ALG6: variants seen among roughly 807,000 people sequenced by gnomAD.
ALG6 encodes ALG6 alpha-1,3-glucosyltransferase.
In ALG6, 46 loss-of-function variants were observed where a neutral mutation model predicts 66.6. The ratio of observed to expected loss-of-function variants is 0.69; its 90% CI spans 0.55 to 0.88. ALG6 has a LOEUF of 0.88. Ranked by LOEUF, ALG6 falls within the 40% of genes least tolerant of loss-of-function variation. The pLI is 0.00. For missense variants in ALG6, 505 were observed against 586.8 expected (o/e 0.86, Z 1.44); for synonymous variants, 185 against 203.7 (o/e 0.91, Z 0.78).
intron 7 of ALG6, among the ~76,000 whole-genome samples, chr1:63,408,453 C>A (rs971032860): frequency 1.3e-5 from 2 of 152,112 alleles, no homozygotes; most frequent in African/African-American, 4.8e-5. Flanking sequence ...GGTTGTTTCC[C>A]AGTTTGGGCC....
rs1557594885 is a variant in ALG6 at position 63,422,219 on chromosome 1, T to TTATATAGATATAAATATATATC, written c.1058+2785_1058+2786insGATATAAATATATATCTATATA. 2.7e-4 allele frequency among the ~76,000 whole-genome samples: 24 copies of TTATATAGATATAAATATATATC among 87,728 alleles called. 5 individuals carry two copies. In the East Asian group the frequency reaches 5.8e-3, roughly 21 times the overall value. The allele number at this position is 87,728 out of a possible 152,430, so 57.6% of individuals were successfully genotyped here. On this transcript the variant is annotated intron_variant, in intron 12 of 14. Coordinates refer to ENST00000263440, the MANE Select transcript of ALG6 (RefSeq NM_013339.4). ...TATCTATATGAATATAAATATATATTTATATAAATATAAATATATATATAA... is the reference window on the plus strand; with the variant it reads ...TATCTATATGAATATAAATATATATTTATATAGATATAAATATATATCTATATAAATATAAATATATATATAA...
Position 63,404,557 on chromosome 1 carries a change from G to A in ALG6, c.346+16G>A, listed in dbSNP as rs76013640. On this transcript the variant is annotated intron_variant, in intron 5 of 14. Coordinates refer to ENST00000263440, the MANE Select transcript of ALG6 (RefSeq NM_013339.4). ...CGTACAACAGGTAAAAGAGCAATGG[G>A]TAGTGAATATAAAATTTGATTTTTT... 9.3e-6 allele frequency: 15 copies of A among 1,607,858 alleles called. No homozygotes were observed. In the East Asian group the frequency reaches 2.5e-4, roughly 26 times the overall value.
At chr1:63,411,769 C>T (rs995736740) in intron 8 of ALG6, among the ~76,000 whole-genome samples, 157 bp from the exon 9 acceptor site, 2 of 152,090 alleles carry the variant, frequency 1.3e-5, no homozygotes, top group Non-Finnish European at 2.9e-5. Context: ...AATTTTTTAC[C>T]TCTGATTTGA....
chr1:63,407,598 TG>T (rs1644495134), intron 7 of ALG6, among the ~76,000 whole-genome samples: 1 of 152,120 alleles, frequency 6.6e-6, no homozygotes, highest in Non-Finnish European at 1.5e-5. Flanking sequence ...TGTATTTTTT[TG>T]ATGCCTAAAA....
rs1557587264 is a variant in ALG6, at chr1:63,400,213, ATATATATACGT to A, written c.168-2040_168-2030del. 2.4e-3 allele frequency among the ~76,000 whole-genome samples: 71 copies of A among 29,542 alleles called. 4 individuals carry two copies. The highest frequency in any genetic ancestry group is 0.011 in the African/African-American group (43 of 3,810). The allele number at this position is 29,542 out of a possible 152,430, so 19.4% of individuals were successfully genotyped here. A position where few individuals can be genotyped will look rare whatever the true frequency, so the allele number is the denominator to read the frequency against. On this transcript the variant is annotated intron_variant, in intron 3 of 14. Transcript: ENST00000263440. ...CTGTCTCAAAAAAAAAAAAATATATATATATATACGTATATATATATATATATATACGTATA... is the reference window on the plus strand; with the variant it reads ...CTGTCTCAAAAAAAAAAAAATATATAATATATATATATATATATACGTATA...
At chr1:63,422,479 A>G (rs897425720) in intron 12 of ALG6, among the ~76,000 whole-genome samples, 2 of 112,666 alleles carry the variant, frequency 1.8e-5, no homozygotes, top group Non-Finnish European at 3.4e-5. Flanking sequence ...ATATAAATAT[A>G]TATATATAAA....
Position 63,402,297 on chromosome 1 carries a change from G to A in ALG6, c.211G>A (p.Asp71Asn). 1 of 1,612,094 alleles carries A rather than the reference G, an allele frequency of 6.2e-7. No homozygotes were observed. The highest frequency in any genetic ancestry group is 1.1e-5 in the South Asian group (1 of 91,030). The change falls in exon 4 of 15, where the codon GAT becomes AAT. Residue 71 changes from aspartate to asparagine, a missense_variant. Physicochemically the swap from Asp to Asn is conservative, Grantham distance 23. Coordinates refer to ENST00000263440, the MANE Select transcript of ALG6 (RefSeq NM_013339.4). The part of the protein sequence containing the change: ...SDNNLQYWGL[D>N]YPPLTAYHSL... Reference sequence around the variant, plus strand: ...TAACAATTTACAGTATTGGGGATTGGATTACCCACCTCTTACAGCTTATCA... The same window carrying A: ...TAACAATTTACAGTATTGGGGATTGAATTACCCACCTCTTACAGCTTATCA...
At chr1:63,430,391 G>C (rs181729018) in intron 14 of ALG6, among the ~76,000 whole-genome samples, 1 of 152,168 alleles carries the variant, frequency 6.6e-6, no homozygotes, top group Non-Finnish European at 1.5e-5. Flanking sequence ...GTGCACATAT[G>C]TTTTCATTTC....
At chr1:63,436,059 G>A (rs1644677159) in intron 14 of ALG6, among the ~76,000 whole-genome samples, 1 of 152,084 alleles carries the variant, frequency 6.6e-6, no homozygotes, top group Non-Finnish European at 1.5e-5. Context: ...GTGCCTTCGT[G>A]TGCTTTACTC....
intron 2 of ALG6, among the ~76,000 whole-genome samples, chr1:63,375,410 ATTTTTTTTTTTTTT>A (rs766565038): frequency 4.7e-4 from 36 of 77,068 alleles, no homozygotes; most frequent in Admixed American, 4.4e-4. Context: ...CACCCCCGGC[ATTTTTTTTTTTTTT>A]TTTTTTTTTT....
In ALG6 at chr1:63,438,289, A is replaced by G. The variant is rs1291735137; in HGVS notation, c.*1269A>G. ...GCATAAAGACTCAAAGGGCAGGTCA[A>G]CGCAGAATAGCAGCCTTGAATCACT... On this transcript the variant is annotated 3_prime_UTR_variant, in exon 15 of 15. Transcript: ENST00000263440. 2.0e-5 allele frequency: 3 copies of G among 152,246 alleles called. No homozygotes were observed. The highest frequency in any genetic ancestry group is 7.2e-5 in the African/African-American group (3 of 41,470). 9.4% of individuals were successfully genotyped at this position (152,246 alleles called of 1,614,324 possible).
At chr1:63,419,518 A>G in intron 12 of ALG6, 78 bp downstream of exon 12, 1 of 1,040,676 alleles carries the variant, frequency 9.6e-7, no homozygotes, top group South Asian at 1.6e-5. Context: ...ATACATTTGA[A>G]TGCAAAACAA....
chr1:63,395,779 G>C (rs1648806848), intron 2 of ALG6, among the ~76,000 whole-genome samples: 1 of 152,152 alleles, frequency 6.6e-6, no homozygotes, highest in South Asian at 2.1e-4. Context: ...GCCTTATGAA[G>C]TAAAAATAAA....
chr1:63,399,604 C>T (rs1347854640), intron 3 of ALG6, among the ~76,000 whole-genome samples: 1 of 152,136 alleles, frequency 6.6e-6, no homozygotes, highest in Non-Finnish European at 1.5e-5. Flanking sequence ...AAACTTTCTA[C>T]ATTTTGATGT....
At chr1:63,428,421 T>C in intron 12 of ALG6, 1 of 216,484 alleles carries the variant, frequency 4.6e-6, no homozygotes, top group Admixed American at 5.5e-5. Flanking sequence ...GACAAAGCCT[T>C]CTCAGATTTG....
chr1:63,402,880 A>G (rs1215423400), intron 4 of ALG6, among the ~76,000 whole-genome samples: 2 of 151,278 alleles, frequency 1.3e-5, no homozygotes. Flanking sequence ...GCGGATCACG[A>G]GGTCAGGAGA....
intron 6 of ALG6, among the ~76,000 whole-genome samples, chr1:63,406,678 G>C (rs1176614087): frequency 6.6e-6 from 1 of 152,066 alleles, no homozygotes; most frequent in Non-Finnish European, 1.5e-5. Flanking sequence ...TTTTGAGCTG[G>C]CTTGTGAGAT....
chr1:63,434,777 G>A (rs1644669036), intron 14 of ALG6, among the ~76,000 whole-genome samples: 1 of 152,160 alleles, frequency 6.6e-6, no homozygotes, highest in Non-Finnish European at 1.5e-5. Context: ...TTTACATATA[G>A]TTGGTAATTA....
intron 12 of ALG6, among the ~76,000 whole-genome samples, chr1:63,420,148 T>C (rs1570078766): frequency 6.6e-6 from 1 of 152,116 alleles, no homozygotes; most frequent in Admixed American, 6.6e-5. Flanking sequence ...TTTTATTAGG[T>C]GGAGCTTTGG....
Sources: gnomAD v4.1 joint callset for allele counts (sites outside exome capture counted in the v4.1 genomes callset) on GRCh38, gnomAD v4.1.1 for gene constraint, MANE v1.5 for transcripts, NCBI Gene and HGNC (gene_info 2026-07-23, HGNC 2026-07-21) for gene names.